Variants in FOXF2 observed in about 807,000 individuals in gnomAD.
FOXF2 encodes the protein forkhead box F2, also known as forkhead box protein F2.
In FOXF2, 15 loss-of-function variants were observed where a neutral mutation model predicts 29.1. The observed-to-expected ratio is 0.52, with a 90% confidence interval of 0.35 to 0.79. The LOEUF (loss-of-function observed/expected upper bound fraction) is 0.79. Among genes scored for constraint, FOXF2 ranks in the 30% least tolerant of loss-of-function variants. The probability of loss-of-function intolerance (pLI) is 0.01; values close to 1 mark genes in which losing one functional copy is unlikely to be tolerated. For missense variants in FOXF2, 675 were observed against 667.1 expected, an observed-to-expected ratio of 1.01 and a Z score of -0.13; for synonymous variants, 337 against 316.5, an observed-to-expected ratio of 1.06 and a Z score of -0.69.
In FOXF2 at chr6:1,390,126, C is replaced by T. The variant is rs1249862709; in HGVS notation, c.179C>T (p.Ser60Leu). The T allele has an allele frequency of 2.8e-6, 4 of 1,445,820 alleles. No homozygotes were observed. The highest frequency in any genetic ancestry group is 3.0e-5 in the African/African-American group (2 of 67,224). 89.6% of individuals were successfully genotyped at this position (1,445,820 alleles called of 1,614,324 possible). A position where few individuals can be genotyped will look rare whatever the true frequency, so the allele number is the denominator to read the frequency against. ...TCCTCCGCCTCCTGCGCCTCGTCCTCGTCCTCCTCCAATTCGGCCAGCGCC... is the reference window on the plus strand; with the variant it reads ...TCCTCCGCCTCCTGCGCCTCGTCCTTGTCCTCCTCCAATTCGGCCAGCGCC... ...SSSSASCASSSSSSNSASAPS... is the reference protein window; with the variant it reads ...SSSSASCASSLSSSNSASAPS... The change falls in exon 1 of 2, where the codon TCG becomes TTG. Residue 60 changes from serine (S) to leucine (L), a missense_variant. Around this residue, in one of 3 missense-constraint regions of FOXF2, gnomAD observed 220 missense variants for 205.5 expected, o/e 1.07. Transcript: ENST00000645481. This position sits in a 1 kb window ranked among gnomAD's most constrained non-coding sequence, Gnocchi z 8.5.
chr6:1,394,022 A>G (rs565223760), intron 1 of FOXF2, among the ~76,000 whole-genome samples: 2 of 152,346 alleles, frequency 1.3e-5, no homozygotes, highest in East Asian at 1.9e-4. Context: ...TTCGGACCAA[A>G]GGGCATTTCT....
intron 1 of FOXF2, among the ~76,000 whole-genome samples, chr6:1,392,436 A>ACTCT (rs576421933): frequency 1.2e-3 from 132 of 113,382 alleles, no homozygotes; most frequent in African/African-American, 4.3e-3. Flanking sequence ...GCTGTCAATC[A>ACTCT]CACACACACA....
chr6:1,390,089 TCCTCGTCGTCGTCCTCCGCCTCCTGCG>T lies in FOXF2; in HGVS notation c.150_176del (p.Ala54_Ser62del), dbSNP rs1433566259. 2.8e-6 allele frequency: 4 copies of T among 1,421,564 alleles called. No homozygotes were observed. Among genetic ancestry groups the T allele is most frequent in the South Asian group, 2.8e-5 (2 of 72,676 alleles). The allele number at this position is 1,421,564 out of a possible 1,614,324, so 88.1% of individuals were successfully genotyped here. A position where few individuals can be genotyped will look rare whatever the true frequency, so the allele number is the denominator to read the frequency against. On this transcript the variant is annotated inframe_deletion, in exon 1 of 2. Coordinates refer to ENST00000645481, the MANE Select transcript of FOXF2 (RefSeq NM_001452.2). This position sits in a 1 kb window ranked among gnomAD's most constrained non-coding sequence, Gnocchi z 8.5. ...CGCCGCCCCGGAGACCACCTCCTCC[TCCTCGTCGTCGTCCTCCGCCTCCTGCG>T]CCTCGTCCTCGTCCTCCTCCAATTC...
rs1758876685 is a variant in FOXF2 at position 1,395,047 on chromosome 6, G to A, written c.*188G>A. 3.2e-6 allele frequency: 2 copies of A among 632,228 alleles called. No homozygotes were observed. Among genetic ancestry groups the A allele is most frequent in the African/African-American group, 3.7e-5 (2 of 54,680 alleles). 39.2% of individuals were successfully genotyped at this position (632,228 alleles called of 1,614,324 possible). A position where few individuals can be genotyped will look rare whatever the true frequency, so the allele number is the denominator to read the frequency against. Reference sequence around the variant, plus strand: ...TACTGCTGGAAGAAGGACAACCGCTGGCAAGGTAGCGTTCCCCAATCTGAA... The same window carrying A: ...TACTGCTGGAAGAAGGACAACCGCTAGCAAGGTAGCGTTCCCCAATCTGAA... On this transcript the variant is annotated 3_prime_UTR_variant, in exon 2 of 2. Transcript: ENST00000645481.
intron 1 of FOXF2, among the ~76,000 whole-genome samples, chr6:1,394,384 C>A (rs1474716845): frequency 6.6e-6 from 1 of 152,174 alleles, no homozygotes; most frequent in Non-Finnish European, 1.5e-5. Context: ...TGTGCTCATT[C>A]TGAGATTAAA....
Position 1,394,707 on chromosome 6 carries a change from C to T in FOXF2, c.1183C>T (p.Arg395Cys), listed in dbSNP as rs774308907. Residue 395 changes from arginine (R) to cysteine (C), a missense_variant, in exon 2 of 2, where the codon CGT (arginine) becomes TGT (cysteine). Around this residue, in one of 3 missense-constraint regions of FOXF2, gnomAD observed 451 missense variants for 437.2 expected, o/e 1.03. Transcript: ENST00000645481. ...CTTTCTTCTTTCAGTGGGACTGCCC[C>T]GTTACCAGCATCACTCTACTCCAGT... ...AREDLSVGLPRYQHHSTPVCD... is the reference protein window; with the variant it reads ...AREDLSVGLPCYQHHSTPVCD... 2 of 1,614,058 alleles carry T rather than the reference C, an allele frequency of 1.2e-6. No homozygotes were observed. The highest frequency in any genetic ancestry group is 2.2e-5 in the South Asian group (2 of 91,074).
chr6:1,392,878 C>G (rs566346893), intron 1 of FOXF2, among the ~76,000 whole-genome samples: 2 of 152,344 alleles, frequency 1.3e-5, no homozygotes, highest in South Asian at 4.1e-4. Flanking sequence ...CTGGGAACGC[C>G]CGGGGGAGAC....
chr6:1,390,972 C>T lies in FOXF2; in HGVS notation c.1025C>T (p.Ser342Leu), dbSNP rs1334673260. ...PYTSPAAHWSSPGASPYLKQP... is the reference protein window; with the variant it reads ...PYTSPAAHWSLPGASPYLKQP... ...ACGAGCCCTGCGGCGCACTGGAGCTCGCCTGGCGCCTCGCCTTACCTCAAG... is the reference window on the plus strand; with the variant it reads ...ACGAGCCCTGCGGCGCACTGGAGCTTGCCTGGCGCCTCGCCTTACCTCAAG... The change falls in exon 1 of 2, where the codon TCG (serine) becomes TTG (leucine). Residue 342 changes from serine to leucine, a missense_variant. Ser to Leu is a moderately radical substitution (Grantham distance 145, BLOSUM62 -2). Transcript: ENST00000645481. This position sits in a 1 kb window ranked among gnomAD's most constrained non-coding sequence, Gnocchi z 8.5. The T allele has an allele frequency of 6.9e-6, 11 of 1,594,088 alleles. No homozygotes were observed. The highest frequency in any genetic ancestry group is 1.7e-5 in the Admixed American group (1 of 59,516).
At chr6:1,393,845 G>T (rs967904652) in intron 1 of FOXF2, among the ~76,000 whole-genome samples, 2 of 152,206 alleles carry the variant, frequency 1.3e-5, no homozygotes, top group Admixed American at 1.3e-4. Flanking sequence ...GCGCCCCGGG[G>T]CCAGGAGGCG....
rs960251606 is a variant in FOXF2 at position 1,394,821 on chromosome 6, C to G, written c.1297C>G (p.Gln433Glu). 1.2e-6 allele frequency: 2 copies of G among 1,614,182 alleles called. No individual in the cohort carries two copies. The highest frequency in any genetic ancestry group is 2.2e-5 in the East Asian group (1 of 44,872). The change falls in exon 2 of 2, where the codon CAG becomes GAG. Residue 433 changes from glutamine (Q) to glutamate (E), a missense_variant. Physicochemically the swap from Gln to Glu is conservative, Grantham distance 29. Around this residue, in one of 3 missense-constraint regions of FOXF2, gnomAD observed 451 missense variants for 437.2 expected, o/e 1.03. Coordinates refer to ENST00000645481, the MANE Select transcript of FOXF2 (RefSeq NM_001452.2). ...ASGSYYHHHH[Q>E]SVCQDIKPCV... Reference sequence around the variant, plus strand: ...CGGGTCGTATTATCACCATCACCACCAGAGCGTCTGTCAGGATATTAAGCC... The same window carrying G: ...CGGGTCGTATTATCACCATCACCACGAGAGCGTCTGTCAGGATATTAAGCC...
intron 1 of FOXF2, among the ~76,000 whole-genome samples, chr6:1,393,046 G>A (rs553123637): frequency 6.6e-6 from 1 of 152,332 alleles, no homozygotes; most frequent in Non-Finnish European, 1.5e-5. Context: ...CCGGGACCCC[G>A]CGGGGCCTAG....
chr6:1,389,971 G>A lies in FOXF2; in HGVS notation c.24G>A (p.Pro8=), dbSNP rs1392120195. The A allele has an allele frequency of 1.0e-5, 10 of 1,001,388 alleles. 1 individual carries two copies. The highest frequency in any genetic ancestry group is 8.5e-5 in the South Asian group (2 of 23,580). The allele number at this position is 1,001,388 out of a possible 1,614,324, so 62.0% of individuals were successfully genotyped here. A position where few individuals can be genotyped will look rare whatever the true frequency, so the allele number is the denominator to read the frequency against. Residue 8 remains proline, a synonymous_variant, in exon 1 of 2, where the codon CCG becomes CCA. Transcript: ENST00000645481. ...AGATGACCACCGAGGGCGGGCCGCC[G>A]CCGGCCCCGCTCCGCCGCGCGTGCA... The part of the protein sequence containing the change: MTTEGGP[P]PAPLRRACSP...
At chr6:1,393,946 G>A (rs964426551) in intron 1 of FOXF2, among the ~76,000 whole-genome samples, 29 of 152,334 alleles carry the variant, frequency 1.9e-4, no homozygotes, top group African/African-American at 6.3e-4. Context: ...GGAGAGCAGG[G>A]TCCAGGCCTT....
intron 1 of FOXF2, among the ~76,000 whole-genome samples, chr6:1,393,686 C>T (rs1218887659): frequency 6.6e-6 from 1 of 152,190 alleles, no homozygotes; most frequent in East Asian, 1.9e-4. Flanking sequence ...AAACTGAATC[C>T]GGCCCGAAGC....
rs1049089763 is a variant in FOXF2, at chr6:1,390,787, G to A, written c.840G>A (p.Pro280=). The change falls in exon 1 of 2, where the codon CCG becomes CCA. Residue 280 remains proline, a synonymous_variant. Transcript: ENST00000645481. The surrounding 1 kb of genome is among the most constrained non-coding windows in gnomAD (Gnocchi z 8.5). Reference sequence around the variant, plus strand: ...ACGTCCCGCACATGTCGCCCAACCCGGGTTCCACCTACATGGCCAGCTGCC... The same window carrying A: ...ACGTCCCGCACATGTCGCCCAACCCAGGTTCCACCTACATGGCCAGCTGCC... ...HHHVPHMSPN[P]GSTYMASCPV... The A allele has an allele frequency of 7.2e-7, 1 of 1,387,732 alleles. No individual in the cohort carries two copies. Among genetic ancestry groups the A allele is most frequent in the Admixed American group, 3.7e-5 (1 of 27,262 alleles). The allele number at this position is 1,387,732 out of a possible 1,614,324, so 86.0% of individuals were successfully genotyped here.
At position 1,391,015 on chromosome 6, in the gene FOXF2, G is replaced by A. The variant is rs1169237724; in HGVS notation, c.1068G>A (p.Thr356=). ...SPYLKQPPAL[T]PSSNPAASAG... is the part of the protein sequence containing the mutation. ...ACCTCAAGCAGCCGCCTGCCCTGAC[G>A]CCCAGCAGCAACCCCGCCGCCTCGG... Residue 356 remains threonine, a synonymous_variant, in exon 1 of 2, where the codon ACG becomes ACA. Transcript: ENST00000645481. 12 of 1,598,164 alleles carry A rather than the reference G, an allele frequency of 7.5e-6. No individual in the cohort carries two copies. Among genetic ancestry groups the A allele is most frequent in the Non-Finnish European group, 1.0e-5 (12 of 1,178,024 alleles).
chr6:1,393,510 G>A (rs976362127), intron 1 of FOXF2, among the ~76,000 whole-genome samples: 1 of 152,172 alleles, frequency 6.6e-6, no homozygotes, highest in Non-Finnish European at 1.5e-5. Flanking sequence ...GGGCAGCTGC[G>A]TTAGCGCAGC....
Position 1,394,955 on chromosome 6 carries a change from A to G in FOXF2, c.*96A>G, listed in dbSNP as rs1561786508. ...GGATTCAAGTCACATGCACGCGGATAGCAGTAAGCCACACACCTGCCACTT... is the reference window on the plus strand; with the variant it reads ...GGATTCAAGTCACATGCACGCGGATGGCAGTAAGCCACACACCTGCCACTT... On this transcript the variant is annotated 3_prime_UTR_variant, in exon 2 of 2. Transcript: ENST00000645481. 1.6e-5 allele frequency: 21 copies of G among 1,281,566 alleles called. No homozygotes were observed. The East Asian group carries it at 4.9e-4, about 30-fold the overall frequency. The allele number at this position is 1,281,566 out of a possible 1,614,324, so 79.4% of individuals were successfully genotyped here.
chr6:1,390,179 G>A lies in FOXF2; in HGVS notation c.232G>A (p.Gly78Ser). ...APSAACKSAG[G>S]GGAGAGSGGA... ...CTCGGCTGCCTGCAAGAGCGCGGGC[G>A]GCGGCGGCGCGGGCGCCGGGAGCGG... is the stretch of plus-strand genomic sequence containing the variant. The change falls in exon 1 of 2, where the codon GGC becomes AGC. Residue 78 changes from glycine to serine, a missense_variant. Around this residue, in one of 3 missense-constraint regions of FOXF2, gnomAD observed 220 missense variants for 205.5 expected, o/e 1.07. Transcript: ENST00000645481. The surrounding 1 kb of genome is among the most constrained non-coding windows in gnomAD (Gnocchi z 8.5). 1 of 1,466,992 alleles carries A rather than the reference G, an allele frequency of 6.8e-7. No homozygotes were observed. Among genetic ancestry groups the A allele is most frequent in the East Asian group, 2.7e-5 (1 of 37,456 alleles). 90.9% of individuals were successfully genotyped at this position (1,466,992 alleles called of 1,614,324 possible).
Sources: gnomAD v4.1 joint callset for allele counts (sites outside exome capture counted in the v4.1 genomes callset) on GRCh38, gnomAD v4.1.1 for gene constraint, gnomAD v4.1.1 regional missense constraint, Gnocchi (gnomAD v3.1) non-coding constraint, MANE v1.5 for transcripts, NCBI Gene and HGNC (gene_info 2026-07-23, HGNC 2026-07-21) for gene names.